The following PPFIA2 variants were observed in gnomAD, a reference collection of about 807,000 sequenced individuals.
The protein encoded by PPFIA2 is liprin-alpha-2.
In PPFIA2, 46 loss-of-function variants were observed where a neutral mutation model predicts 175.5. The observed-to-expected ratio is 0.26, with a 90% CI of 0.21 to 0.34. PPFIA2 has a LOEUF of 0.34. Ranked by LOEUF, PPFIA2 falls within the 10% of genes least tolerant of loss-of-function variation. The pLI, the probability that PPFIA2 is intolerant of heterozygous loss-of-function variation, is 1.00. For synonymous variants in PPFIA2, 568 were observed against 511.4 expected (o/e 1.11, Z -1.49); for missense variants, 1,179 against 1,506.1 (o/e 0.78, Z 3.60).
intron 7 of PPFIA2, among the ~76,000 whole-genome samples, chr12:81,434,727 C>T (rs1251533070): frequency 6.6e-6 from 1 of 151,576 alleles, no homozygotes; most frequent in Non-Finnish European, 1.5e-5. Flanking sequence ...TAAATATTAA[C>T]TATGATTACT....
chr12:81,321,628 T>C (rs79634210), intron 22 of PPFIA2, among the ~76,000 whole-genome samples: 1,605 of 152,240 alleles, frequency 0.011, 34 homozygotes, highest in African/African-American at 0.034. Flanking sequence ...GCTTTTTTTT[T>C]CCCCACTATT....
rs887853278 is a variant in PPFIA2, at chr12:81,529,565, G to GAGAA, written c.304-71700_304-71699insTTCT. The stretch of plus-strand genomic sequence containing the variant: ...GTGGCGGGGGGGCAGTGGAAAGAGA[G>GAGAA]AGAGAGAGAGAGAGAGAGATTCATA... On this transcript the variant is annotated intron_variant, in intron 4 of 32. Transcript: ENST00000549396. Among the ~76,000 whole-genome samples, 5 of 150,744 alleles carry GAGAA rather than the reference G, an allele frequency of 3.3e-5. No individual in the cohort carries two copies. In the Admixed American group the frequency reaches 3.3e-4, roughly 10 times the overall value.
At chr12:81,460,573 T>G (rs1286301418) in intron 4 of PPFIA2, among the ~76,000 whole-genome samples, 2 of 152,124 alleles carry the variant, frequency 1.3e-5, no homozygotes, top group Non-Finnish European at 2.9e-5. Context: ...AAGTTTGTTC[T>G]ATGTATCTGA....
intron 21 of PPFIA2, among the ~76,000 whole-genome samples, chr12:81,334,485 C>T (rs1238110248): frequency 1.0e-5 from 1 of 95,704 alleles, no homozygotes; most frequent in East Asian, 2.8e-4. Flanking sequence ...TTCTCTCCCT[C>T]CACCAAAAAA....
At chr12:81,546,848 A>T (rs777799519) in intron 4 of PPFIA2, among the ~76,000 whole-genome samples, 8 of 152,002 alleles carry the variant, frequency 5.3e-5, no homozygotes, top group Non-Finnish European at 1.2e-4. Context: ...TTAGAAAGCA[A>T]TGGATTTATG....
At chr12:81,456,120 T>C (rs2053531641) in intron 5 of PPFIA2, among the ~76,000 whole-genome samples, 1 of 152,200 alleles carries the variant, frequency 6.6e-6, no homozygotes, top group Admixed American at 6.5e-5. Context: ...AATCAAGGAA[T>C]GTAGTCTAAA....
chr12:81,293,018 A>G (rs1245293938), intron 24 of PPFIA2: 1 of 152,040 alleles, frequency 6.6e-6, no homozygotes, highest in Non-Finnish European at 1.5e-5. Flanking sequence ...TGTAAATAGA[A>G]ATGAAACAAA....
chr12:81,620,327 A>G, intron 4 of PPFIA2, among the ~76,000 whole-genome samples: 1 of 152,182 alleles, frequency 6.6e-6, no homozygotes, highest in East Asian at 1.9e-4. Flanking sequence ...TACAGTTTTA[A>G]GGAAAAAAGT....
intron 14 of PPFIA2, among the ~76,000 whole-genome samples, chr12:81,364,800 G>A (rs1181040201): frequency 6.6e-6 from 1 of 151,806 alleles, no homozygotes; most frequent in Non-Finnish European, 1.5e-5. Flanking sequence ...TATTGGACTA[G>A]ATGTGGGATA....
At chr12:81,413,543 T>C (rs929557888) in intron 7 of PPFIA2, among the ~76,000 whole-genome samples, 1 of 151,754 alleles carries the variant, frequency 6.6e-6, no homozygotes. Flanking sequence ...CATAAGCAAC[T>C]GTAAAGGAGG....
At chr12:81,670,491 C>T (rs1240557724) in intron 4 of PPFIA2, among the ~76,000 whole-genome samples, 3 of 151,870 alleles carry the variant, frequency 2.0e-5, no homozygotes, top group African/African-American at 7.2e-5. Context: ...TTCTGAAATG[C>T]TTAAACCAAG....
chr12:81,713,077 T>G (rs2078153573), intron 3 of PPFIA2, among the ~76,000 whole-genome samples: 1 of 151,266 alleles, frequency 6.6e-6, no homozygotes, highest in South Asian at 2.1e-4. Context: ...AATTTTTACC[T>G]GTGTGATACA....
At chr12:81,298,002 T>C (rs1434458347) in intron 23 of PPFIA2, 2 of 152,228 alleles carry the variant, frequency 1.3e-5, no homozygotes, top group Non-Finnish European at 2.9e-5. Context: ...AACTTCACTG[T>C]CTGTCATCTC....
At chr12:81,466,507 T>C (rs533258517) in intron 4 of PPFIA2, among the ~76,000 whole-genome samples, 1 of 152,290 alleles carries the variant, frequency 6.6e-6, no homozygotes, top group South Asian at 2.1e-4. Flanking sequence ...CATCAAGCCA[T>C]GAATCATTCA....
chr12:81,392,678 ATAT>A (rs1366970894), intron 8 of PPFIA2, among the ~76,000 whole-genome samples: 4 of 151,956 alleles, frequency 2.6e-5, no homozygotes, highest in Non-Finnish European at 5.9e-5. Flanking sequence ...CTTAACTTAT[ATAT>A]TATTGTACAT....
chr12:81,750,814 T>C (rs1048603553), intron 3 of PPFIA2, among the ~76,000 whole-genome samples: 7 of 152,182 alleles, frequency 4.6e-5, no homozygotes, highest in African/African-American at 7.2e-5. Context: ...TAGCACTGAA[T>C]AGGCAATTTA....
intron 21 of PPFIA2, among the ~76,000 whole-genome samples, chr12:81,336,115 A>T (rs1456617127): frequency 1.3e-5 from 2 of 152,208 alleles, no homozygotes; most frequent in Non-Finnish European, 2.9e-5. Flanking sequence ...AAACCCTAGT[A>T]AGAACAGAAT....
At chr12:81,535,327 G>A (rs1010545159) in intron 4 of PPFIA2, 9 of 450,084 alleles carry the variant, frequency 2.0e-5, no homozygotes, top group Admixed American at 4.8e-5. Flanking sequence ...AGAGGGTTCC[G>A]GAGTTTGGGA....
chr12:81,739,581 A>T (rs918999091), intron 3 of PPFIA2, among the ~76,000 whole-genome samples: 3 of 152,134 alleles, frequency 2.0e-5, no homozygotes, highest in African/African-American at 4.8e-5. Context: ...CCAATTTTTT[A>T]AAAAAACTTG....
Sources: gnomAD v4.1 joint callset for allele counts (sites outside exome capture counted in the v4.1 genomes callset) on GRCh38, gnomAD v4.1.1 for gene constraint, MANE v1.5 for transcripts, NCBI Gene and HGNC (gene_info 2026-07-23, HGNC 2026-07-21) for gene names.